IRS1: variants seen among roughly 807,000 people sequenced by gnomAD.
IRS1 encodes the protein insulin receptor substrate 1.
IRS1 carries 34 observed loss-of-function variants against 65.6 expected under a neutral mutation model. The ratio of observed to expected loss-of-function variants is 0.52; its 90% confidence interval spans 0.39 to 0.69. The LOEUF (loss-of-function observed/expected upper bound fraction) is 0.69. Ranked by LOEUF, IRS1 falls within the 30% of genes least tolerant of loss-of-function variation. The pLI is 0.00. For missense variants in IRS1, 1,641 were observed against 1,720.2 expected (o/e 0.95, Z 0.81); for synonymous variants, 699 against 683.5 (o/e 1.02, Z -0.35).
Position 226,797,180 on chromosome 2 carries a change from C to T in IRS1, c.1559G>A (p.Arg520Gln), listed in dbSNP as rs1939751701. ...TGCCGAGTGAGTTCTCTTTCGGAAC[C>T]GATTATCCAGATCTGCAGCACTGGC... The part of the protein sequence containing the change: ...EAASAADLDN[R>Q]FRKRTHSAGT... Residue 520 changes from arginine to glutamine, a missense_variant, in exon 1 of 2, where the codon CGG (arginine) becomes CAG (glutamine). This residue lies in a region of IRS1 where 1,324 missense variants were observed against 1,361.0 expected (regional missense o/e 0.97). Transcript: ENST00000305123. The surrounding 1 kb of genome is among the most constrained non-coding windows in gnomAD (Gnocchi z 8.1). 3 of 1,613,910 alleles carry T rather than the reference C, an allele frequency of 1.9e-6. No individual in the cohort carries two copies. The highest frequency in any genetic ancestry group is 8.5e-7 in the Non-Finnish European group (1 of 1,180,010).
rs745943416 is a variant in IRS1 at position 226,797,411 on chromosome 2, C to G, written c.1328G>C (p.Arg443Pro). 25 of 1,612,142 alleles carry G rather than the reference C, an allele frequency of 1.6e-5. No individual in the cohort carries two copies. The highest frequency in any genetic ancestry group is 2.7e-5 in the African/African-American group (2 of 74,876). The change falls in exon 1 of 2, where the codon CGC (arginine) becomes CCC (proline). Residue 443 changes from arginine (R) to proline (P), a missense_variant. Physicochemically the swap from Arg to Pro is moderately radical, Grantham distance 103. Around this residue, in one of 3 missense-constraint regions of IRS1, gnomAD observed 1,324 missense variants for 1,361.0 expected, o/e 0.97. Coordinates refer to ENST00000305123, the MANE Select transcript of IRS1 (RefSeq NM_005544.3). The surrounding 1 kb of genome is among the most constrained non-coding windows in gnomAD (Gnocchi z 8.1). ...SSPCDFRSSF[R>P]SVTPDSLGHT... ...GCCCAGGGAATCCGGAGTGACACTG[C>G]GGAAGGAACTCCGGAAATCGCAGGG...
intron 1 of IRS1, among the ~76,000 whole-genome samples, chr2:226,786,210 G>A (rs1939484664): frequency 6.6e-6 from 1 of 150,988 alleles, no homozygotes; most frequent in African/African-American, 2.4e-5. Flanking sequence ...ACATACGTGT[G>A]CGTGTGTCTT....
rs1938538573 is a variant in IRS1, at chr2:226,746,098, A to G, written c.*22-9848T>C. 2.6e-5 allele frequency among the ~76,000 whole-genome samples: 4 copies of G among 152,026 alleles called. No homozygotes were observed. The South Asian group carries it at 8.3e-4, about 31-fold the overall frequency. On this transcript the variant is annotated intron_variant, in intron 1 of 1. Transcript: ENST00000305123. ...TCTCAAATGAATGCTATCTACAGAA[A>G]CATCAGAAAGGCCACTTTTATTGCT...
Position 226,797,709 on chromosome 2 carries a change from C to G in IRS1, c.1030G>C (p.Gly344Arg), listed in dbSNP as rs758347503. 2.5e-6 allele frequency: 4 copies of G among 1,597,684 alleles called. No individual in the cohort carries two copies. The highest frequency in any genetic ancestry group is 3.4e-6 in the Non-Finnish European group (4 of 1,178,874). ...GTMSRPASVD[G>R]SPVSPSTNRT... is the part of the protein sequence containing the mutation. Reference sequence around the variant, plus strand: ...TTGGTGCTGGGACTCACAGGGCTGCCGTCCACCGAGGCTGGGCGGGACATG... The same window carrying G: ...TTGGTGCTGGGACTCACAGGGCTGCGGTCCACCGAGGCTGGGCGGGACATG... The change falls in exon 1 of 2, where the codon GGC becomes CGC. Residue 344 changes from glycine to arginine, a missense_variant. This residue lies in a region of IRS1 where 1,324 missense variants were observed against 1,361.0 expected (regional missense o/e 0.97). Coordinates refer to ENST00000305123, the MANE Select transcript of IRS1 (RefSeq NM_005544.3). The surrounding 1 kb of genome is among the most constrained non-coding windows in gnomAD (Gnocchi z 8.1).
At position 226,798,356 on chromosome 2, in the gene IRS1, C is replaced by G. The variant is rs1255364686; in HGVS notation, c.383G>C (p.Gly128Ala). ...KGHHDGAAAL[G>A]AGGGGGSCSG... ...GCAGCTGCCCCCACCACCTCCCGCC[C>G]CGAGGGCCGCAGCTCCGTCGTGGTG... is the stretch of plus-strand genomic sequence containing the variant. Residue 128 changes from glycine (G) to alanine (A), a missense_variant, in exon 1 of 2, where the codon GGG becomes GCG. Gly to Ala is a moderately conservative substitution (Grantham distance 60). Coordinates refer to ENST00000305123, the MANE Select transcript of IRS1 (RefSeq NM_005544.3). The surrounding 1 kb of genome is among the most constrained non-coding windows in gnomAD (Gnocchi z 9.4). 12 of 1,613,488 alleles carry G rather than the reference C, an allele frequency of 7.4e-6. No homozygotes were observed. The East Asian group carries it at 1.6e-4, about 21-fold the overall frequency.
intron 1 of IRS1, among the ~76,000 whole-genome samples, chr2:226,743,225 G>A (rs1264726345): frequency 6.6e-6 from 1 of 151,814 alleles, no homozygotes; most frequent in Non-Finnish European, 1.5e-5. Context: ...TCTCAGGCAG[G>A]AAGATTTAAT....
At chr2:226,756,284 T>G (rs1191607890) in intron 1 of IRS1, among the ~76,000 whole-genome samples, 3 of 152,184 alleles carry the variant, frequency 2.0e-5, no homozygotes, top group Non-Finnish European at 2.9e-5. Flanking sequence ...CTGGTATCGC[T>G]GACCTCACTG....
Position 226,795,569 on chromosome 2 carries a change from G to T in IRS1, c.3170C>A (p.Ser1057Ter). Reference protein sequence around the residue: ...PQGAAELAAHSSLLGGPQGPG... With the variant: ...PQGAAELAAH ...TCCTTGTGGGCCCCCCAGCAGGGAC[G>T]AGTGGGCAGCCAGCTCTGCTGCCCC... The change falls in exon 1 of 2, where the codon TCG (serine) becomes TAG (stop). Residue 1057 changes from serine (S) to a stop codon, truncating the protein, a stop_gained. Coordinates refer to ENST00000305123, the MANE Select transcript of IRS1 (RefSeq NM_005544.3). LOFTEE classifies it high-confidence loss of function. 6.2e-7 allele frequency: 1 copy of T among 1,612,988 alleles called. No homozygotes were observed. Among genetic ancestry groups the T allele is most frequent in the Non-Finnish European group, 8.5e-7 (1 of 1,179,946 alleles).
chr2:226,772,615 G>T (rs1939185475), intron 1 of IRS1, among the ~76,000 whole-genome samples: 1 of 150,770 alleles, frequency 6.6e-6, no homozygotes, highest in Non-Finnish European at 1.5e-5. Flanking sequence ...GAAATGACAG[G>T]ACCTTATCAA....
At chr2:226,755,692 A>G (rs887877800) in intron 1 of IRS1, among the ~76,000 whole-genome samples, 7 of 152,230 alleles carry the variant, frequency 4.6e-5, no homozygotes. Flanking sequence ...CCTCCCCACA[A>G]CTTTGTATTC....
At chr2:226,754,856 A>G (rs1331034222) in intron 1 of IRS1, among the ~76,000 whole-genome samples, 2 of 152,218 alleles carry the variant, frequency 1.3e-5, no homozygotes, top group Non-Finnish European at 2.9e-5. Flanking sequence ...AGCTTGCAAA[A>G]GAGATTGTCA....
At chr2:226,742,713 G>GGAAAAA (rs889878007) in intron 1 of IRS1, among the ~76,000 whole-genome samples, 1 of 124,598 alleles carries the variant, frequency 8.0e-6, no homozygotes, top group African/African-American at 2.8e-5. Context: ...CACGCATTAT[G>GGAAAAA]AAAAAAAAAA....
rs1574663705 is a variant in IRS1 at position 226,795,097 on chromosome 2, A to C, written c.3642T>G (p.Gly1214=). 8.2e-7 allele frequency: 1 copy of C among 1,225,970 alleles called. No individual in the cohort carries two copies. Among genetic ancestry groups the C allele is most frequent in the African/African-American group, 1.9e-5 (1 of 51,674 alleles). The allele number at this position is 1,225,970 out of a possible 1,614,324, so 75.9% of individuals were successfully genotyped here. A position where few individuals can be genotyped will look rare whatever the true frequency, so the allele number is the denominator to read the frequency against. Residue 1214 remains glycine (G), a synonymous_variant, in exon 1 of 2, where the codon GGT becomes GGG. Coordinates refer to ENST00000305123, the MANE Select transcript of IRS1 (RefSeq NM_005544.3). ...PPPPHQPLGS[G]ESSSTRRSSE... is the part of the protein sequence containing the mutation. ...TTGAGCGGCGGGTGGAGCTGCTCTCACCGCTGCCCAGGGGTTGATGAGGGG... is the reference window on the plus strand; with the variant it reads ...TTGAGCGGCGGGTGGAGCTGCTCTCCCCGCTGCCCAGGGGTTGATGAGGGG...
intron 1 of IRS1, among the ~76,000 whole-genome samples, chr2:226,751,777 C>T (rs1311543934): frequency 6.6e-6 from 1 of 152,140 alleles, no homozygotes; most frequent in African/African-American, 2.4e-5. Flanking sequence ...GGGCCACGTA[C>T]GTTAGCTCAA....
chr2:226,774,043 G>A (rs1176247021), intron 1 of IRS1, among the ~76,000 whole-genome samples: 1 of 152,116 alleles, frequency 6.6e-6, no homozygotes, highest in African/African-American at 2.4e-5. Flanking sequence ...AACAGAGAAA[G>A]CCCTGTTCCT....
chr2:226,788,621 A>G (rs1468295508), intron 1 of IRS1, among the ~76,000 whole-genome samples: 1 of 152,190 alleles, frequency 6.6e-6, no homozygotes, highest in Non-Finnish European at 1.5e-5. Flanking sequence ...TGAATTAAGA[A>G]TGGGAGAGGT....
At position 226,757,731 on chromosome 2, in the gene IRS1, T is replaced by C. The variant is rs537739682; in HGVS notation, c.*22-21481A>G. On this transcript the variant is annotated intron_variant, in intron 1 of 1. Coordinates refer to ENST00000305123, the MANE Select transcript of IRS1 (RefSeq NM_005544.3). ...CATATCTGTGCTAACTACTCTAACATCTTGTAAAATACATTTTGAGAAATA... is the reference window on the plus strand; with the variant it reads ...CATATCTGTGCTAACTACTCTAACACCTTGTAAAATACATTTTGAGAAATA... Among the ~76,000 whole-genome samples the C allele has an allele frequency of 4.6e-5, 7 of 152,338 alleles. No individual in the cohort carries two copies. The South Asian group carries it at 6.2e-4, about 14-fold the overall frequency.
intron 1 of IRS1, among the ~76,000 whole-genome samples, chr2:226,770,839 G>A (rs141351221): frequency 4.0e-4 from 61 of 152,270 alleles, no homozygotes; most frequent in African/African-American, 1.5e-3. Flanking sequence ...CTATTTGTCT[G>A]TAGAAAGAAC....
intron 1 of IRS1, among the ~76,000 whole-genome samples, chr2:226,761,447 C>A (rs901097238): frequency 6.6e-6 from 1 of 152,112 alleles, no homozygotes; most frequent in Non-Finnish European, 1.5e-5. Flanking sequence ...TCTATACCAA[C>A]TTCCAAGAGC....
Sources: gnomAD v4.1 joint callset for allele counts (sites outside exome capture counted in the v4.1 genomes callset) on GRCh38, gnomAD v4.1.1 for gene constraint, gnomAD v4.1.1 regional missense constraint, Gnocchi (gnomAD v3.1) non-coding constraint, MANE v1.5 for transcripts, NCBI Gene and HGNC (gene_info 2026-07-23, HGNC 2026-07-21) for gene names.